Variants in SH3RF3 observed in about 807,000 individuals in gnomAD.
The protein encoded by SH3RF3 is E3 ubiquitin-protein ligase SH3RF3.
Under a neutral mutation model 66.3 loss-of-function variants are expected in SH3RF3, and 29 were observed. That is an observed-to-expected ratio of 0.44 (90% CI 0.33 to 0.60). The LOEUF (loss-of-function observed/expected upper bound fraction) is 0.60, where lower values mean the gene tolerates loss of function less well. Among genes scored for constraint, SH3RF3 ranks in the 20% least tolerant of loss-of-function variants. The pLI, the probability that SH3RF3 is intolerant of heterozygous loss-of-function variation, is 0.04. For missense variants in SH3RF3, 1,194 were observed against 1,190.9 expected (o/e 1.00, Z -0.04); for synonymous variants, 583 against 532.0 (o/e 1.10, Z -1.32).
At chr2:109,261,981 C>T (rs1680367380) in intron 1 of SH3RF3, among the ~76,000 whole-genome samples, 1 of 152,082 alleles carries the variant, frequency 6.6e-6, no homozygotes, top group African/African-American at 2.4e-5. Flanking sequence ...GAGGAAGGGC[C>T]ACAAAGCTCT....
chr2:109,161,550 C>G (rs910066095), intron 1 of SH3RF3, among the ~76,000 whole-genome samples: 1 of 151,564 alleles, frequency 6.6e-6, no homozygotes, highest in Admixed American at 6.6e-5. Context: ...TAGCACCTAC[C>G]TAAGTCTGTG....
chr2:109,248,331 A>G (rs1679969956), intron 1 of SH3RF3, among the ~76,000 whole-genome samples: 1 of 152,116 alleles, frequency 6.6e-6, no homozygotes, highest in Admixed American at 6.5e-5. Context: ...TTGAAGCCAT[A>G]CAGATATTCT....
intron 1 of SH3RF3, among the ~76,000 whole-genome samples, chr2:109,318,190 A>G (rs1341972629): frequency 6.6e-6 from 1 of 152,052 alleles, no homozygotes; most frequent in Admixed American, 6.5e-5. Flanking sequence ...TAAGCAAAAC[A>G]TAAGCATTTG....
intron 1 of SH3RF3, among the ~76,000 whole-genome samples, chr2:109,291,438 C>T (rs898765498): frequency 3.3e-5 from 5 of 152,148 alleles, no homozygotes; most frequent in East Asian, 3.9e-4. Flanking sequence ...GCCTGGCTGC[C>T]GTGCAGGAGT....
At chr2:109,181,575 G>T (rs1378624331) in intron 1 of SH3RF3, among the ~76,000 whole-genome samples, 1 of 152,162 alleles carries the variant, frequency 6.6e-6, no homozygotes, top group Non-Finnish European at 1.5e-5. Context: ...ACTTTCACCA[G>T]ATTCCTCTTT....
At chr2:109,306,271 A>G (rs1333038125) in intron 1 of SH3RF3, among the ~76,000 whole-genome samples, 1 of 152,154 alleles carries the variant, frequency 6.6e-6, no homozygotes, top group Non-Finnish European at 1.5e-5. Context: ...TGAGGGGTGG[A>G]TAGAGGGGTG....
At chr2:109,201,867 T>G (rs1332038394) in intron 1 of SH3RF3, among the ~76,000 whole-genome samples, 3 of 152,250 alleles carry the variant, frequency 2.0e-5, no homozygotes, top group Non-Finnish European at 4.4e-5. Flanking sequence ...AATTATGTCC[T>G]GTGTTGCTAA....
chr2:109,188,931 A>G (rs560173864), intron 1 of SH3RF3, among the ~76,000 whole-genome samples: 1 of 151,774 alleles, frequency 6.6e-6, no homozygotes, highest in African/African-American at 2.4e-5. Flanking sequence ...TCTTTGTTTA[A>G]TTAAAAAAAA....
intron 1 of SH3RF3, among the ~76,000 whole-genome samples, chr2:109,297,465 G>C (rs949958367): frequency 6.6e-6 from 1 of 152,036 alleles, no homozygotes; most frequent in African/African-American, 2.4e-5. Flanking sequence ...AGCCAGAGGG[G>C]TGCCTGGTGT....
intron 1 of SH3RF3, among the ~76,000 whole-genome samples, chr2:109,281,261 A>C (rs913042124): frequency 2.0e-4 from 31 of 152,226 alleles, no homozygotes; most frequent in African/African-American, 7.5e-4. Flanking sequence ...CACACCTGAC[A>C]ACAGGTTGTG....
intron 1 of SH3RF3, among the ~76,000 whole-genome samples, chr2:109,180,022 T>G (rs1324910014): frequency 6.6e-6 from 1 of 151,816 alleles, no homozygotes; most frequent in African/African-American, 2.4e-5. Flanking sequence ...TCAAATTACC[T>G]CAAGTGGTGG....
chr2:109,450,466 C>T (rs773641593), intron 8 of SH3RF3, among the ~76,000 whole-genome samples: 141 of 152,306 alleles, frequency 9.3e-4, no homozygotes, highest in Non-Finnish European at 4.7e-4. Flanking sequence ...TGCTGTCCAG[C>T]AGAAACATAA....
chr2:109,460,631 G>T (rs1264165177), intron 8 of SH3RF3, among the ~76,000 whole-genome samples: 4 of 152,200 alleles, frequency 2.6e-5, no homozygotes, highest in East Asian at 1.9e-4. Context: ...TCACCCTTTG[G>T]TGAGCATTTA....
chr2:109,417,612 G>T (rs567646995), intron 4 of SH3RF3, among the ~76,000 whole-genome samples: 3 of 152,202 alleles, frequency 2.0e-5, no homozygotes, highest in African/African-American at 4.8e-5. Flanking sequence ...GAAAATCAAA[G>T]GTTTTTCTCA....
intron 9 of SH3RF3, among the ~76,000 whole-genome samples, chr2:109,491,733 A>G (rs36134863): frequency 0.86 from 130,926 of 152,152 alleles, 56,508 homozygotes; most frequent in South Asian, 0.96. Context: ...AGGATGGTAG[A>G]AAGATATGAT....
At chr2:109,327,649 T>G (rs889790362) in intron 1 of SH3RF3, among the ~76,000 whole-genome samples, 1 of 152,248 alleles carries the variant, frequency 6.6e-6, no homozygotes, top group Non-Finnish European at 1.5e-5. Flanking sequence ...TTTAATATCT[T>G]TTAGTAAAAT....
chr2:109,307,442 C>T (rs1453120748), intron 1 of SH3RF3, among the ~76,000 whole-genome samples: 2 of 144,584 alleles, frequency 1.4e-5, no homozygotes, highest in African/African-American at 2.7e-5. Context: ...TATTATTATA[C>T]TTTAAGTTTT....
At chr2:109,386,793 C>T (rs1675834793) in intron 3 of SH3RF3, among the ~76,000 whole-genome samples, 1 of 152,148 alleles carries the variant, frequency 6.6e-6, no homozygotes, top group Non-Finnish European at 1.5e-5. Flanking sequence ...TTGCCTGAAA[C>T]ATCATGCTCT....
intron 1 of SH3RF3, among the ~76,000 whole-genome samples, chr2:109,225,034 A>C (rs981293266): frequency 1.3e-5 from 2 of 152,284 alleles, no homozygotes; most frequent in Middle Eastern, 3.4e-3. Context: ...GGAAGAAGGA[A>C]GTGACTGAGA....
Sources: gnomAD v4.1 joint callset for allele counts (sites outside exome capture counted in the v4.1 genomes callset) on GRCh38, gnomAD v4.1.1 for gene constraint, MANE v1.5 for transcripts, NCBI Gene and HGNC (gene_info 2026-07-23, HGNC 2026-07-21) for gene names.